Variants in GBP2 observed in about 807,000 individuals in gnomAD.
GBP2 encodes guanylate binding protein 2, also known as guanylate-binding protein 2.
GBP2 carries 54 observed loss-of-function variants against 60.8 expected under a neutral mutation model. The ratio of observed to expected loss-of-function variants is 0.89; its 90% CI spans 0.71 to 1.11. GBP2 has a LOEUF of 1.11. GBP2 is among the 50% of genes most tolerant of loss of function. The pLI, the probability that GBP2 is intolerant of heterozygous loss-of-function variation, is 0.00. For missense variants in GBP2, 665 were observed against 703.3 expected (o/e 0.95, Z 0.62); for synonymous variants, 243 against 256.5 (o/e 0.95, Z 0.50).
intron 8 of GBP2, among the ~76,000 whole-genome samples, chr1:89,111,967 A>T (rs911758019): frequency 6.6e-6 from 1 of 152,222 alleles, no homozygotes; most frequent in Admixed American, 6.5e-5. Flanking sequence ...GTAAAAAAAT[A>T]AAAAAATTAC....
At chr1:89,111,844 A>T (rs1681173290) in intron 8 of GBP2, among the ~76,000 whole-genome samples, 1 of 152,220 alleles carries the variant, frequency 6.6e-6, no homozygotes, top group Admixed American at 6.5e-5. Context: ...ACCTGAGTCG[A>T]CAAATACCCC....
chr1:89,112,567 C>T lies in GBP2; in HGVS notation c.1267G>A (p.Gly423Arg). 1 of 1,614,092 alleles carries T rather than the reference C, an allele frequency of 6.2e-7. No individual in the cohort carries two copies. Among genetic ancestry groups the T allele is most frequent in the Non-Finnish European group, 8.5e-7 (1 of 1,179,964 alleles). ...FGPLEEDVKQ[G>R]TFSKPGGYRL... ...TAACCTCCTGGTTTAGAAAATGTTC[C>T]CTGCTTGACATCTTCTTCTAAAGGG... Residue 423 changes from glycine (G) to arginine (R), a missense_variant, in exon 8 of 11, where the codon GGA (glycine) becomes AGA (arginine). Gly to Arg is a moderately radical substitution (Grantham distance 125). Coordinates refer to ENST00000370466, the MANE Select transcript of GBP2 (RefSeq NM_004120.5).
chr1:89,117,543 A>T, intron 5 of GBP2, 34 bp downstream of exon 5: 5 of 1,550,254 alleles, frequency 3.2e-6, no homozygotes, highest in Non-Finnish European at 4.4e-6. Flanking sequence ...TTTGCTCTCT[A>T]TTTATTACCC....
intron 4 of GBP2, chr1:89,118,454 C>A (rs561621912): frequency 1.3e-5 from 2 of 152,182 alleles, no homozygotes; most frequent in Non-Finnish European, 2.9e-5. Flanking sequence ...TTGGGATATG[C>A]AAGCTCTGTA....
At chr1:89,120,078 A>G (rs1681368717) in intron 4 of GBP2, 101 bp downstream of exon 4, 1 of 776,824 alleles carries the variant, frequency 1.3e-6, no homozygotes, top group Non-Finnish European at 2.2e-6. Context: ...GAGAGGACTT[A>G]TGAATTCTTC....
chr1:89,114,876 A>G (rs559743030), intron 6 of GBP2, among the ~76,000 whole-genome samples: 1 of 152,254 alleles, frequency 6.6e-6, no homozygotes, highest in East Asian at 1.9e-4. Context: ...TTTTTGACTC[A>G]ATCCTGGACC....
At chr1:89,123,845 C>T (rs76265560) in intron 1 of GBP2, among the ~76,000 whole-genome samples, 395 of 152,352 alleles carry the variant, frequency 2.6e-3, no homozygotes, top group Middle Eastern at 6.8e-3. Flanking sequence ...TTCATCTTGG[C>T]ACTGCATTCC....
rs1557437917 is a variant in GBP2 at position 89,110,507 on chromosome 1, AC to A, written c.1363-242del. ...TATGTAAAACATATAATACCCCCCC[AC>A]ACACACCATGGAATACTACTCAGCC... On this transcript the variant is annotated intron_variant, in intron 8 of 10. Coordinates refer to ENST00000370466, the MANE Select transcript of GBP2 (RefSeq NM_004120.5). Among the ~76,000 whole-genome samples, 4 of 152,240 alleles carry A rather than the reference AC, an allele frequency of 2.6e-5. No homozygotes were observed. In the East Asian group the frequency reaches 5.8e-4, roughly 22 times the overall value.
chr1:89,116,919 C>T, intron 6 of GBP2, 73 bp downstream of exon 6: 2 of 1,509,144 alleles, frequency 1.3e-6, no homozygotes, highest in East Asian at 4.5e-5. Context: ...GACCCTTATG[C>T]TTTCCATTTT....
At chr1:89,110,046 G>C (rs1221034173) in intron 9 of GBP2, 118 bp downstream of exon 9, 1 of 950,272 alleles carries the variant, frequency 1.1e-6, no homozygotes, top group African/African-American at 1.7e-5. Flanking sequence ...AACTCTCATA[G>C]AACTATGAAT....
chr1:89,123,697 A>G (rs1221164929), intron 1 of GBP2, among the ~76,000 whole-genome samples: 1 of 152,192 alleles, frequency 6.6e-6, no homozygotes, highest in East Asian at 1.9e-4. Flanking sequence ...GGTGTAGTTA[A>G]ATTATTTATT....
intron 3 of GBP2, among the ~76,000 whole-genome samples, 195 bp downstream of exon 3, chr1:89,120,944 ATAAT>A (rs1374713091): frequency 1.3e-5 from 2 of 152,180 alleles, no homozygotes; most frequent in Non-Finnish European, 2.9e-5. Flanking sequence ...AGGTTTACCC[ATAAT>A]TAATCAATTG....
In GBP2 at chr1:89,114,292, T is replaced by A; in HGVS notation, c.873A>T (p.Leu291=). Residue 291 remains leucine, a synonymous_variant, in exon 7 of 11, where the codon CTA becomes CTT. Coordinates refer to ENST00000370466, the MANE Select transcript of GBP2 (RefSeq NM_004120.5). ...TGACGTAGGTCAGCACCAGGCTCTC[T>A]AGACCTGCAAAAGGGAATTTTTAAA... ...SGGIPVNGPR[L]ESLVLTYVNA... is the part of the protein sequence containing the mutation. 14 of 1,611,398 alleles carry A rather than the reference T, an allele frequency of 8.7e-6. No homozygotes were observed. The highest frequency in any genetic ancestry group is 1.2e-5 in the Non-Finnish European group (14 of 1,177,906).
chr1:89,108,325 C>T, intron 10 of GBP2, 34 bp from the exon 11 acceptor site: 1 of 1,353,142 alleles, frequency 7.4e-7, no homozygotes, highest in African/African-American at 1.4e-5. Flanking sequence ...GCCTATCCAG[C>T]TTAACACATT....
chr1:89,109,799 C>T lies in GBP2; in HGVS notation c.1537G>A (p.Glu513Lys). ...CTCTTCTCTTTCTGTTCCATCATCT[C>T]CTCATTCTTCTTTTGTATTTCCTCC... is the stretch of plus-strand genomic sequence containing the variant. ...MLEEIQKKNEEMMEQKEKSYQ... is the reference protein window; with the variant it reads ...MLEEIQKKNEKMMEQKEKSYQ... Residue 513 changes from glutamate (E) to lysine (K), a missense_variant, in exon 10 of 11, where the codon GAG (glutamate) becomes AAG (lysine). By Grantham distance (56) the Glu-to-Lys change is moderately conservative. Coordinates refer to ENST00000370466, the MANE Select transcript of GBP2 (RefSeq NM_004120.5). 1 of 1,613,966 alleles carries T rather than the reference C, an allele frequency of 6.2e-7. No homozygotes were observed. The highest frequency in any genetic ancestry group is 8.5e-7 in the Non-Finnish European group (1 of 1,179,916).
rs914585222 is a variant in GBP2, at chr1:89,114,114, G to A, written c.1051C>T (p.Leu351=). Residue 351 remains leucine, a synonymous_variant, in exon 7 of 11, where the codon CTG becomes TTG. Coordinates refer to ENST00000370466, the MANE Select transcript of GBP2 (RefSeq NM_004120.5). ...VQLPTETLQE[L]LDLHRDSERE... ...TCACTGTCCCTGTGCAGGTCCAGCA[G>A]CTCCTGGAGGGTTTCCGTGGGCAGC... 8 of 1,614,108 alleles carry A rather than the reference G, an allele frequency of 5.0e-6. No homozygotes were observed. In the Admixed American group the frequency reaches 5.0e-5, roughly 10 times the overall value.
At chr1:89,117,541 C>T (rs1359141131) in intron 5 of GBP2, 36 bp downstream of exon 5, 2 of 1,529,452 alleles carry the variant, frequency 1.3e-6, no homozygotes, top group East Asian at 4.5e-5. Context: ...TATTTGCTCT[C>T]TATTTATTAC....
intron 7 of GBP2, 48 bp from the exon 8 acceptor site, chr1:89,112,732 G>A (rs756864411): frequency 6.8e-7 from 1 of 1,469,184 alleles, no homozygotes; most frequent in Non-Finnish European, 9.5e-7. Context: ...GCCATGAGGA[G>A]GATGTTAACT....
At chr1:89,116,466 C>CT (rs58776535) in intron 6 of GBP2, among the ~76,000 whole-genome samples, 2 of 145,566 alleles carry the variant, frequency 1.4e-5, no homozygotes, top group East Asian at 2.0e-4. Flanking sequence ...TATCATTATA[C>CT]TTTTTTTTTT....
Sources: allele counts gnomAD v4.1 joint callset (sites outside exome capture counted in the v4.1 genomes callset), GRCh38; gene constraint gnomAD v4.1.1; transcripts MANE v1.5; gene names NCBI Gene and HGNC (gene_info 2026-07-23, HGNC 2026-07-21).